Variants in GPR173 observed in about 807,000 individuals in gnomAD.
The protein encoded by GPR173 is G protein-coupled receptor 173.
In GPR173, 2 loss-of-function variants were observed where a neutral mutation model predicts 13.9. The ratio of observed to expected loss-of-function variants is 0.14; its 90% CI spans 0.06 to 0.45. The LOEUF (loss-of-function observed/expected upper bound fraction) is 0.45. Ranked by LOEUF, GPR173 falls within the 20% of genes least tolerant of loss-of-function variation. The probability of loss-of-function intolerance (pLI) is 0.98; values close to 1 mark genes in which losing one functional copy is unlikely to be tolerated. For missense variants in GPR173, 202 were observed against 340.5 expected (o/e 0.59, Z 3.20); for synonymous variants, 131 against 141.0 (o/e 0.93, Z 0.50).
At chrX:53,060,053 C>T (rs889695431) in intron 1 of GPR173, among the ~76,000 whole-genome samples, 6 of 104,088 alleles carry the variant, frequency 5.8e-5, no homozygotes, top group South Asian at 4.0e-4. Context: ...CATACACACA[C>T]GCACACACAC....
At chrX:53,060,918 G>GTATT (rs1932116099) in intron 1 of GPR173, among the ~76,000 whole-genome samples, 1 of 11,635 alleles carries the variant, frequency 8.6e-5, no homozygotes, top group Admixed American at 9.7e-4. Flanking sequence ...CAGGCCTACA[G>GTATT]TCTCAGACTG....
intron 1 of GPR173, among the ~76,000 whole-genome samples, chrX:53,049,935 GGTGTGTGTGTGTGT>G (rs782209160): frequency 1.8e-4 from 17 of 93,014 alleles, no homozygotes; most frequent in Non-Finnish European, 3.4e-4. Context: ...CTGCTGGCCG[GGTGTGTGTGTGTGT>G]GTGTGTGTGT....
chrX:53,054,387 C>G (rs1932003256), intron 1 of GPR173, among the ~76,000 whole-genome samples: 1 of 109,937 alleles, frequency 9.1e-6, no homozygotes, highest in African/African-American at 3.3e-5. Flanking sequence ...GCCTGTAGTC[C>G]CAGCTACTTG....
chrX:53,074,864 T>C (rs1932403460), intron 1 of GPR173, among the ~76,000 whole-genome samples: 1 of 101,742 alleles, frequency 9.8e-6, no homozygotes, highest in Non-Finnish European at 2.0e-5. Flanking sequence ...GAGAGTGGCA[T>C]GGAGGGGGCA....
chrX:53,060,666 C>G (rs922408488), intron 1 of GPR173, among the ~76,000 whole-genome samples: 118 of 107,714 alleles, frequency 1.1e-3, no homozygotes, highest in Non-Finnish European at 1.9e-3. Context: ...GTTGGGGCAC[C>G]CCTACAGCCC....
chrX:53,073,973 T>C (rs1338712145), intron 1 of GPR173, among the ~76,000 whole-genome samples: 1 of 10,373 alleles, frequency 9.6e-5, no homozygotes, highest in Non-Finnish European at 1.3e-4. Flanking sequence ...AAATATATAT[T>C]TATATTTATA....
intron 1 of GPR173, among the ~76,000 whole-genome samples, chrX:53,053,621 G>A (rs1419456777): frequency 4.4e-5 from 5 of 113,169 alleles, no homozygotes; most frequent in African/African-American, 1.6e-4. Context: ...GAGATACTTG[G>A]CCTTGGGCCT....
intron 1 of GPR173, among the ~76,000 whole-genome samples, chrX:53,050,628 G>A (rs976357389): frequency 6.2e-5 from 7 of 112,119 alleles, no homozygotes; most frequent in Admixed American, 2.8e-4. Flanking sequence ...GATGTGCATC[G>A]AGGTGGCACT....
intron 1 of GPR173, among the ~76,000 whole-genome samples, chrX:53,058,348 A>T (rs1932069057): frequency 9.0e-6 from 1 of 111,510 alleles, no homozygotes; most frequent in Non-Finnish European, 1.9e-5. Flanking sequence ...AAACGTATGT[A>T]TGTGAATCTC....
intron 1 of GPR173, among the ~76,000 whole-genome samples, chrX:53,053,067 G>A (rs1208016713): frequency 4.4e-5 from 5 of 112,593 alleles, no homozygotes; most frequent in Non-Finnish European, 7.5e-5. Flanking sequence ...TGTACATGGT[G>A]TACATATCTG....
At position 53,076,877 on chromosome X, in the gene GPR173, G is replaced by C; in HGVS notation, c.256G>C (p.Gly86Arg). Residue 86 changes from glycine (G) to arginine (R), a missense_variant, in exon 2 of 2, where the codon GGC (glycine) becomes CGC (arginine). By Grantham distance (125) the Gly-to-Arg change is moderately radical. Transcript: ENST00000332582. Reference sequence around the variant, plus strand: ...CTTTGTGCTGGCTTCTGTGCGCCACGGCTCTTCATGGACCTTCAGTGCACT... The same window carrying C: ...CTTTGTGCTGGCTTCTGTGCGCCACCGCTCTTCATGGACCTTCAGTGCACT... ...FPFVLASVRH[G>R]SSWTFSALSC... 8.3e-7 allele frequency: 1 copy of C among 1,209,652 alleles called. No homozygotes were observed. Among genetic ancestry groups the C allele is most frequent in the South Asian group, 1.8e-5 (1 of 57,031 alleles).
chrX:53,049,627 C>T (rs782080672), intron 1 of GPR173, 143 bp downstream of exon 1: 148 of 111,479 alleles, frequency 1.3e-3, no homozygotes, highest in African/African-American at 4.8e-3. Flanking sequence ...CATCAAGGGG[C>T]TCCTTGGTAC....
In GPR173 at chrX:53,068,809, T is replaced by C. The variant is rs188561478; in HGVS notation, c.-97-7716T>C. 5.3e-3 allele frequency among the ~76,000 whole-genome samples: 572 copies of C among 107,025 alleles called. 9 individuals carry two copies. Among genetic ancestry groups the C allele is most frequent in the African/African-American group, 0.019 (546 of 29,112 alleles). The allele number at this position is 107,025 out of a possible 115,157, so 92.9% of individuals were successfully genotyped here. On this transcript the variant is annotated intron_variant, in intron 1 of 1. Transcript: ENST00000332582. ...ATAAATATTTTTCATAAATGAAGGC[T>C]AGGCGTGATGGCTCAGGCTTGTAAT...
At chrX:53,058,424 C>CGTGT (rs112505843) in intron 1 of GPR173, among the ~76,000 whole-genome samples, 167 of 100,955 alleles carry the variant, frequency 1.7e-3, no homozygotes, top group East Asian at 6.3e-3. Context: ...TCCAGGTGCA[C>CGTGT]GTGTGTGTGT....
At chrX:53,066,218 AC>A (rs1364548735) in intron 1 of GPR173, among the ~76,000 whole-genome samples, 1 of 112,193 alleles carries the variant, frequency 8.9e-6, no homozygotes, top group Non-Finnish European at 1.9e-5. Flanking sequence ...TGCTCTACTT[AC>A]CCTAATAAGT....
At chrX:53,051,096 C>CA in intron 1 of GPR173, among the ~76,000 whole-genome samples, 1 of 112,087 alleles carries the variant, frequency 8.9e-6, no homozygotes, top group African/African-American at 3.2e-5. Flanking sequence ...CTCCTGAGAT[C>CA]ACGGGGCTTC....
intron 1 of GPR173, among the ~76,000 whole-genome samples, chrX:53,074,762 T>C (rs925856786): frequency 7.3e-5 from 7 of 95,479 alleles, no homozygotes; most frequent in Admixed American, 1.3e-4. Context: ...TATAAATATA[T>C]ATAATTTATA....
intron 1 of GPR173, among the ~76,000 whole-genome samples, chrX:53,070,084 A>G: frequency 9.0e-6 from 1 of 111,373 alleles, no homozygotes; most frequent in South Asian, 3.7e-4. Context: ...AGTAACTTTG[A>G]GTGTTAATAT....
chrX:53,076,412 C>T, intron 1 of GPR173, 113 bp from the exon 2 acceptor site: 1 of 372,349 alleles, frequency 2.7e-6, no homozygotes, highest in Non-Finnish European at 4.6e-6. Context: ...TCTCTGCACG[C>T]CTGTTGTGTT....
Sources: gnomAD v4.1 joint callset for allele counts (sites outside exome capture counted in the v4.1 genomes callset) on GRCh38, gnomAD v4.1.1 for gene constraint, MANE v1.5 for transcripts, NCBI Gene and HGNC (gene_info 2026-07-23, HGNC 2026-07-21) for gene names.